The following DIO2 variants were observed in gnomAD, a reference collection of about 807,000 sequenced individuals.
The protein encoded by DIO2 is type II iodothyronine deiodinase.
Under a neutral mutation model 21.4 loss-of-function variants are expected in DIO2, and 19 were observed. The ratio of observed to expected loss-of-function variants is 0.89; its 90% CI spans 0.62 to 1.30. The LOEUF (loss-of-function observed/expected upper bound fraction) is 1.30. DIO2 is among the 50% of genes most tolerant of loss of function. DIO2 has a pLI of 0.00. For missense variants in DIO2, 302 were observed against 338.1 expected (o/e 0.89, Z 0.84); for synonymous variants, 122 against 132.9 (o/e 0.92, Z 0.57).
At chr14:80,219,243 A>C (rs1245496399) in intron 2 of DIO2, 1 of 152,206 alleles carries the variant, frequency 6.6e-6, no homozygotes, top group African/African-American at 2.4e-5. Context: ...TGTCATAAGG[A>C]ATTTGAGGGC....
Position 80,203,073 on chromosome 14 carries a change from C to T in DIO2, c.438G>A (p.Leu146=), listed in dbSNP as rs1887803309. 1.2e-6 allele frequency: 2 copies of T among 1,613,908 alleles called. No individual in the cohort carries two copies. The highest frequency in any genetic ancestry group is 2.2e-5 in the South Asian group (2 of 91,070). ...CAGCCACTGAGGAGAACTCTTCCAC[C>T]AGTTTGCGGAAGGCTGGCAGCTGGC... ...FTSQLPAFRK[L]VEEFSSVADF... Residue 146 remains leucine (L), a synonymous_variant, in exon 2 of 2, where the codon CTG becomes CTA. Transcript: ENST00000438257.
chr14:80,227,517 G>A (rs532622396), intron 2 of DIO2, among the ~76,000 whole-genome samples: 1 of 152,248 alleles, frequency 6.6e-6, no homozygotes, highest in Admixed American at 6.5e-5. Flanking sequence ...TTCCACCAAG[G>A]CCCAGGAACA....
chr14:80,218,560 T>C (rs936104933), intron 2 of DIO2, among the ~76,000 whole-genome samples: 1 of 152,120 alleles, frequency 6.6e-6, no homozygotes, highest in African/African-American at 2.4e-5. Flanking sequence ...TTCCTGACCC[T>C]GGAAAACAAA....
In DIO2 at chr14:80,199,092, G is replaced by A. The variant is rs981085680; in HGVS notation, c.*3597C>T. 6.6e-6 allele frequency: 1 copy of A among 152,194 alleles called. No homozygotes were observed. The highest frequency in any genetic ancestry group is 1.5e-5 in the Non-Finnish European group (1 of 68,036). 9.4% of individuals were successfully genotyped at this position (152,194 alleles called of 1,614,324 possible). ...TCTTGCTTCGCACATAGGCCATAGG[G>A]CATGCTGAGGACACCTTGTAATCCA... On this transcript the variant is annotated 3_prime_UTR_variant, in exon 2 of 2. Coordinates refer to ENST00000438257, the MANE Select transcript of DIO2 (RefSeq NM_013989.5).
At position 80,202,919 on chromosome 14, in the gene DIO2, G is replaced by T; in HGVS notation, c.592C>A (p.Leu198Ile). The T allele has an allele frequency of 6.2e-7, 1 of 1,614,012 alleles. No individual in the cohort carries two copies. Among genetic ancestry groups the T allele is most frequent in the Non-Finnish European group, 8.5e-7 (1 of 1,179,896 alleles). Residue 198 changes from leucine to isoleucine, a missense_variant, in exon 2 of 2, where the codon CTT becomes ATT. Physicochemically the swap from Leu to Ile is conservative, Grantham distance 5. Transcript: ENST00000438257. ...QEDRCAAAQQ[L>I]LERFSLPPQC... ...GGCGGCAAGGAGAAACGCTCCAGAA[G>T]CTGCTGGGCTGCTGCACATCGATCT...
At chr14:80,211,524 C>A, upstream of DIO2, 1 of 995,566 alleles carries the variant, frequency 1.0e-6, no homozygotes, top group Non-Finnish European at 1.3e-6. Context: ...CCCCTTCACC[C>A]TCTTATTTAA....
intron 1 of DIO2, among the ~76,000 whole-genome samples, chr14:80,209,716 A>G (rs201280489): frequency 1.3e-5 from 2 of 152,242 alleles, no homozygotes; most frequent in East Asian, 3.8e-4. Context: ...TCATAAAAGA[A>G]TTTCCATCTA....
Position 80,202,578 on chromosome 14 carries a change from C to A in DIO2, c.*111G>T. 8.8e-7 allele frequency: 1 copy of A among 1,133,676 alleles called. No individual in the cohort carries two copies. 70.2% of individuals were successfully genotyped at this position (1,133,676 alleles called of 1,614,324 possible). ...GATTCATGTTCTTCCGATAGATAAA[C>A]TCCTGTCTTTCAGTAAGCCAATAGG... On this transcript the variant is annotated 3_prime_UTR_variant, in exon 2 of 2. Transcript: ENST00000438257.
rs1012821942 is a variant in DIO2 at position 80,199,509 on chromosome 14, A to G, written c.*3180T>C. ...TTACTAATCTGCCTCTAAGGAGGTCAGTTACATTTTAATAGCTGTATGAAA... is the reference window on the plus strand; with the variant it reads ...TTACTAATCTGCCTCTAAGGAGGTCGGTTACATTTTAATAGCTGTATGAAA... On this transcript the variant is annotated 3_prime_UTR_variant, in exon 2 of 2. Transcript: ENST00000438257. 3.9e-5 allele frequency: 6 copies of G among 152,240 alleles called. No homozygotes were observed. The highest frequency in any genetic ancestry group is 1.4e-4 in the African/African-American group (6 of 41,462). The allele number at this position is 152,240 out of a possible 1,614,324, so 9.4% of individuals were successfully genotyped here.
intron 1 of DIO2, among the ~76,000 whole-genome samples, chr14:80,209,996 G>A (rs1019686932): frequency 6.6e-6 from 1 of 151,932 alleles, no homozygotes. Flanking sequence ...CTATTATTTC[G>A]AGTTCCCCGT....
chr14:80,213,570 G>C (rs753023120), upstream of DIO2, among the ~76,000 whole-genome samples: 1 of 152,116 alleles, frequency 6.6e-6, no homozygotes, highest in East Asian at 1.9e-4. Context: ...TTTAGGTTCC[G>C]TGAGAGCAGG....
chr14:80,216,117 A>T (rs1013426497), upstream of DIO2: 2 of 152,244 alleles, frequency 1.3e-5, no homozygotes, highest in Non-Finnish European at 2.9e-5. Context: ...TTCCCTCAGG[A>T]ACTGTTGCTT....
In DIO2 at chr14:80,203,309, A is replaced by AAAAAG. The variant is rs1555354009; in HGVS notation, c.223-22_223-21insCTTTT. ...TTCACCTGACGGTAAAAAAAAAAAA[A>AAAAAG]AAGAAGAAGAAGAAGAAGGTGAGAA... On this transcript the variant is annotated intron_variant, in intron 1 of 1. Coordinates refer to ENST00000438257, the MANE Select transcript of DIO2 (RefSeq NM_013989.5). 17 of 1,422,744 alleles carry AAAAAG rather than the reference A, an allele frequency of 1.2e-5. No individual in the cohort carries two copies. The African/African-American group carries it at 2.3e-4, about 19-fold the overall frequency. 88.1% of individuals were successfully genotyped at this position (1,422,744 alleles called of 1,614,324 possible).
chr14:80,204,725 G>A (rs866289375), intron 1 of DIO2, among the ~76,000 whole-genome samples: 3 of 152,100 alleles, frequency 2.0e-5, no homozygotes, highest in African/African-American at 4.8e-5. Flanking sequence ...AAGTCACTTC[G>A]AAGTGAATTG....
chr14:80,224,256 A>G (rs1888524442), intron 2 of DIO2, among the ~76,000 whole-genome samples: 1 of 152,176 alleles, frequency 6.6e-6, no homozygotes, highest in African/African-American at 2.4e-5. Flanking sequence ...TGGAAGTACC[A>G]TGAAGCAATC....
chr14:80,207,875 C>A (rs573184903), intron 1 of DIO2, among the ~76,000 whole-genome samples: 1 of 152,222 alleles, frequency 6.6e-6, no homozygotes, highest in South Asian at 2.1e-4. Flanking sequence ...TCTTTTGGGA[C>A]TGTTTCTCTC....
At chr14:80,218,770 G>A (rs1200440372) in intron 2 of DIO2, among the ~76,000 whole-genome samples, 2 of 152,118 alleles carry the variant, frequency 1.3e-5, no homozygotes, top group Non-Finnish European at 2.9e-5. Flanking sequence ...TTGAGGCCAG[G>A]AGTTCGAGAC....
intron 1 of DIO2, 24 bp from the exon 2 acceptor site, chr14:80,203,312 G>T: frequency 1.2e-6 from 1 of 821,026 alleles, no homozygotes; most frequent in South Asian, 1.9e-5. Flanking sequence ...AAAAAAAAAA[G>T]AAGAAGAAGA....
intron 2 of DIO2, among the ~76,000 whole-genome samples, chr14:80,230,104 G>T (rs950886679): frequency 1.3e-5 from 2 of 152,126 alleles, no homozygotes; most frequent in African/African-American, 4.8e-5. Context: ...GACAAAGGTG[G>T]AAAGACTAAT....
Sources: gnomAD v4.1 joint callset for allele counts (sites outside exome capture counted in the v4.1 genomes callset) on GRCh38, gnomAD v4.1.1 for gene constraint, MANE v1.5 for transcripts, NCBI Gene and HGNC (gene_info 2026-07-23, HGNC 2026-07-21) for gene names.